Variants in ACTR1A observed in about 807,000 individuals in gnomAD.
ACTR1A encodes the protein actin related protein 1A.
ACTR1A carries 10 observed loss-of-function variants against 50.7 expected under a neutral mutation model. The observed-to-expected ratio is 0.20, with a 90% confidence interval of 0.12 to 0.33. The LOEUF (loss-of-function observed/expected upper bound fraction) is 0.33, where lower values mean the gene tolerates loss of function less well. Ranked by LOEUF, ACTR1A falls within the 10% of genes least tolerant of loss-of-function variation. The pLI, the probability that ACTR1A is intolerant of heterozygous loss-of-function variation, is 1.00. For synonymous variants in ACTR1A, 177 were observed against 184.2 expected (o/e 0.96, Z 0.32); for missense variants, 253 against 491.7 (o/e 0.51, Z 4.59).
chr10:102,485,845 GCCTC>G, intron 4 of ACTR1A, 112 bp from the exon 5 acceptor site: 1 of 1,465,616 alleles, frequency 6.8e-7, no homozygotes, highest in Middle Eastern at 2.5e-4. Flanking sequence ...ACTTCAGTCA[GCCTC>G]ACTCCAAAAA....
At chr10:102,483,964 C>G (rs1291613037) in intron 6 of ACTR1A, 196 bp downstream of exon 6, 1 of 591,144 alleles carries the variant, frequency 1.7e-6, no homozygotes, top group African/African-American at 1.9e-5. Flanking sequence ...AGCTCCCTTT[C>G]CCCCAACAAG....
In ACTR1A at chr10:102,502,663, CCTT is replaced by C. The variant is rs753808718; in HGVS notation, c.-19_-17del. The C allele has an allele frequency of 1.1e-5, 17 of 1,614,076 alleles. No homozygotes were observed. Among genetic ancestry groups the C allele is most frequent in the South Asian group, 2.2e-5 (2 of 91,086 alleles). On this transcript the variant is annotated 5_prime_UTR_variant, in exon 1 of 11. Coordinates refer to ENST00000369905, the MANE Select transcript of ACTR1A (RefSeq NM_005736.4). ...AGGACTCCATGGCAGAGGAATCTCT[CCTT>C]CTGGGGAAGGAACTGCCCAGCCGGG...
chr10:102,485,436 G>A (rs558313484), intron 5 of ACTR1A, among the ~76,000 whole-genome samples, 173 bp downstream of exon 5: 3 of 152,298 alleles, frequency 2.0e-5, no homozygotes, highest in Non-Finnish European at 2.9e-5. Context: ...TTTCAACTAC[G>A]AAGCCTCAGT....
At chr10:102,486,204 A>G (rs868106169) in intron 4 of ACTR1A, among the ~76,000 whole-genome samples, 1 of 152,130 alleles carries the variant, frequency 6.6e-6, no homozygotes, top group South Asian at 2.1e-4. Context: ...TGTGAACCCT[A>G]CTGTGAACTG....
intron 1 of ACTR1A, among the ~76,000 whole-genome samples, chr10:102,501,393 A>G (rs1008245854): frequency 4.6e-5 from 7 of 152,340 alleles, no homozygotes; most frequent in African/African-American, 1.7e-4. Flanking sequence ...AGCTGAATCA[A>G]CAAAGGGAAT....
chr10:102,487,793 G>A (rs1001755530), intron 4 of ACTR1A, among the ~76,000 whole-genome samples: 10 of 151,858 alleles, frequency 6.6e-5, no homozygotes, highest in Non-Finnish European at 8.8e-5. Flanking sequence ...CACCACGCCC[G>A]GAGAATTTTT....
chr10:102,486,081 T>C (rs192818697), intron 4 of ACTR1A, among the ~76,000 whole-genome samples: 1 of 152,248 alleles, frequency 6.6e-6, no homozygotes, highest in Admixed American at 6.5e-5. Flanking sequence ...TTCTAGTCTG[T>C]GACCTGTTAG....
Position 102,479,413 on chromosome 10 carries a change from C to A in ACTR1A, c.*1450G>T. ...ACCTGCTGCTGTGGCCCACACCTGG[C>A]AGGGGCCTTTGGTCATAGGACGGCG... On this transcript the variant is annotated 3_prime_UTR_variant, in exon 11 of 11. Transcript: ENST00000369905. The surrounding 1 kb of genome is among the most constrained non-coding windows in gnomAD (Gnocchi z 4.0). The A allele has an allele frequency of 2.7e-6, 1 of 377,160 alleles. No individual in the cohort carries two copies. Among genetic ancestry groups the A allele is most frequent in the Non-Finnish European group, 5.1e-6 (1 of 197,528 alleles). The allele number at this position is 377,160 out of a possible 1,614,324, so 23.4% of individuals were successfully genotyped here.
Position 102,482,425 on chromosome 10 carries a change from A to G in ACTR1A, c.751-250T>C. 1.9e-6 allele frequency: 1 copy of G among 540,428 alleles called. No individual in the cohort carries two copies. Among genetic ancestry groups the G allele is most frequent in the Non-Finnish European group, 3.3e-6 (1 of 303,596 alleles). 33.5% of individuals were successfully genotyped at this position (540,428 alleles called of 1,614,324 possible). Reference sequence around the variant, plus strand: ...GCCAAGAGGTCTTTGGCATCAGTACATGGATTTATTTGCTCATGGAAACGT... The same window carrying G: ...GCCAAGAGGTCTTTGGCATCAGTACGTGGATTTATTTGCTCATGGAAACGT... On this transcript the variant is annotated intron_variant, in intron 7 of 10. Coordinates refer to ENST00000369905, the MANE Select transcript of ACTR1A (RefSeq NM_005736.4). This position sits in a 1 kb window ranked among gnomAD's most constrained non-coding sequence, Gnocchi z 5.6.
Position 102,488,219 on chromosome 10 carries a change from A to G in ACTR1A, c.246T>C (p.Asp82=), listed in dbSNP as rs759323702. Residue 82 remains aspartate (D), a synonymous_variant, in exon 4 of 11, where the codon GAT becomes GAC. Coordinates refer to ENST00000369905, the MANE Select transcript of ACTR1A (RefSeq NM_005736.4). This position sits in a 1 kb window ranked among gnomAD's most constrained non-coding sequence, Gnocchi z 4.4. ...RYPMEHGIVK[D]WNDMERIWQY... is the part of the protein sequence containing the mutation. ...GCCAAATGCGTTCCATGTCGTTCCAATCCTTGACGATGCCATGCTCCATGG... is the reference window on the plus strand; with the variant it reads ...GCCAAATGCGTTCCATGTCGTTCCAGTCCTTGACGATGCCATGCTCCATGG... 12 of 1,614,024 alleles carry G rather than the reference A, an allele frequency of 7.4e-6. No homozygotes were observed. In the South Asian group the frequency reaches 1.3e-4, roughly 18 times the overall value.
In ACTR1A at chr10:102,480,398, C is replaced by T. The variant is rs1338130224; in HGVS notation, c.*465G>A. ...ACAGAACTCAACCCCAGTCCCAGTCCTCAGTGTGCAGTCAGGAGGCATCGA... is the reference window on the plus strand; with the variant it reads ...ACAGAACTCAACCCCAGTCCCAGTCTTCAGTGTGCAGTCAGGAGGCATCGA... On this transcript the variant is annotated 3_prime_UTR_variant, in exon 11 of 11. Coordinates refer to ENST00000369905, the MANE Select transcript of ACTR1A (RefSeq NM_005736.4). 1.1e-5 allele frequency: 2 copies of T among 179,836 alleles called. No homozygotes were observed. Among genetic ancestry groups the T allele is most frequent in the Admixed American group, 5.5e-5 (1 of 18,106 alleles). The allele number at this position is 179,836 out of a possible 1,614,324, so 11.1% of individuals were successfully genotyped here. A position where few individuals can be genotyped will look rare whatever the true frequency, so the allele number is the denominator to read the frequency against.
Position 102,483,062 on chromosome 10 carries a change from C to A in ACTR1A, c.699G>T (p.Thr233=). The change falls in exon 7 of 11, where the codon ACG becomes ACT. Residue 233 remains threonine (T), a synonymous_variant. Coordinates refer to ENST00000369905, the MANE Select transcript of ACTR1A (RefSeq NM_005736.4). The part of the protein sequence containing the change: ...YLSINPQKDE[T]LETEKAQYYL... ...AGTACTGAGCTTTCTCTGTCTCTAG[C>A]GTCTCATCCTTTTGGGGGTTTATGG... 1 of 1,614,214 alleles carries A rather than the reference C, an allele frequency of 6.2e-7. No individual in the cohort carries two copies. The highest frequency in any genetic ancestry group is 8.5e-7 in the Non-Finnish European group (1 of 1,180,014).
At chr10:102,495,984 T>G (rs1370718440) in intron 1 of ACTR1A, among the ~76,000 whole-genome samples, 1 of 142,848 alleles carries the variant, frequency 7.0e-6, no homozygotes, top group African/African-American at 2.6e-5. Context: ...CTCGCTCTGT[T>G]GCCCAGGCTG....
At chr10:102,485,243 C>G (rs543263381) in intron 5 of ACTR1A, among the ~76,000 whole-genome samples, 2 of 152,296 alleles carry the variant, frequency 1.3e-5, no homozygotes, top group South Asian at 4.1e-4. Flanking sequence ...TGTCTCACAG[C>G]CTGGCAGAGC....
Position 102,483,243 on chromosome 10 carries a change from A to G in ACTR1A, c.658-140T>C, listed in dbSNP as rs1589959508. On this transcript the variant is annotated intron_variant, in intron 6 of 10. Transcript: ENST00000369905. Reference sequence around the variant, plus strand: ...AATGGTCACTATAGCTGCTGCCCAGAAGCAGGGGCAGTGAGGTCTCTGTTG... The same window carrying G: ...AATGGTCACTATAGCTGCTGCCCAGGAGCAGGGGCAGTGAGGTCTCTGTTG... The G allele has an allele frequency of 5.6e-6, 4 of 709,890 alleles. No homozygotes were observed. In the East Asian group the frequency reaches 1.0e-4, roughly 18 times the overall value. The allele number at this position is 709,890 out of a possible 1,614,324, so 44.0% of individuals were successfully genotyped here. A position where few individuals can be genotyped will look rare whatever the true frequency, so the allele number is the denominator to read the frequency against.
intron 5 of ACTR1A, among the ~76,000 whole-genome samples, chr10:102,485,176 T>C (rs774094868): frequency 5.3e-5 from 8 of 151,826 alleles, no homozygotes; most frequent in Non-Finnish European, 1.0e-4. Context: ...GGGGTAGGAG[T>C]GTGACAGGAG....
chr10:102,496,230 G>A (rs1321232433), intron 1 of ACTR1A, among the ~76,000 whole-genome samples: 5 of 152,190 alleles, frequency 3.3e-5, no homozygotes, highest in African/African-American at 1.2e-4. Flanking sequence ...ACACTAGGCC[G>A]GTATTCCTGC....
chr10:102,488,977 T>C lies in ACTR1A; in HGVS notation c.189+86A>G, dbSNP rs1419606928. The C allele has an allele frequency of 1.0e-6, 1 of 999,272 alleles. No homozygotes were observed. Among genetic ancestry groups the C allele is most frequent in the African/African-American group, 1.7e-5 (1 of 59,598 alleles). 61.9% of individuals were successfully genotyped at this position (999,272 alleles called of 1,614,324 possible). On this transcript the variant is annotated intron_variant, in intron 3 of 10. Coordinates refer to ENST00000369905, the MANE Select transcript of ACTR1A (RefSeq NM_005736.4). The surrounding 1 kb of genome is among the most constrained non-coding windows in gnomAD (Gnocchi z 4.4). Reference sequence around the variant, plus strand: ...AAGTTGCCCCTTTTACTTATGGGTATGTCCAAATGTTGGGACATGTTCCAT... The same window carrying C: ...AAGTTGCCCCTTTTACTTATGGGTACGTCCAAATGTTGGGACATGTTCCAT...
intron 2 of ACTR1A, 124 bp downstream of exon 2, chr10:102,490,425 A>T: frequency 1.6e-6 from 1 of 624,798 alleles, no homozygotes; most frequent in East Asian, 3.0e-5. Flanking sequence ...GTGCCTCTCA[A>T]ATTGTACCAT....
Sources: gnomAD v4.1 joint callset for allele counts (sites outside exome capture counted in the v4.1 genomes callset) on GRCh38, gnomAD v4.1.1 for gene constraint, Gnocchi (gnomAD v3.1) non-coding constraint, MANE v1.5 for transcripts, NCBI Gene and HGNC (gene_info 2026-07-23, HGNC 2026-07-21) for gene names.